The following CDC20 variants were observed in gnomAD, a reference collection of about 807,000 sequenced individuals.
CDC20 encodes cell division cycle protein 20 homolog.
A neutral mutation model predicts 60.0 loss-of-function variants in CDC20; 34 were observed. The ratio of observed to expected loss-of-function variants is 0.57; its 90% CI spans 0.43 to 0.75. The LOEUF (loss-of-function observed/expected upper bound fraction) is 0.75, where lower values mean the gene tolerates loss of function less well. Among genes scored for constraint, CDC20 ranks in the 30% least tolerant of loss-of-function variants. CDC20 has a pLI of 0.00. For synonymous variants in CDC20, 198 were observed against 243.5 expected, an observed-to-expected ratio of 0.81 and a Z score of 1.74; for missense variants, 469 against 647.3, an observed-to-expected ratio of 0.72 and a Z score of 2.99.
Position 43,359,220 on chromosome 1 carries a change from C to T in CDC20, c.5C>T (p.Ala2Val). 6.2e-7 allele frequency: 1 copy of T among 1,611,608 alleles called. No homozygotes were observed. The highest frequency in any genetic ancestry group is 8.5e-7 in the Non-Finnish European group (1 of 1,179,910). ...CCTCCCCCTGCGGGCGCTCCCATGG[C>T]ACAGTTCGCGTTCGAGAGTGACCTG... M[A>V]QFAFESDLHS... The change falls in exon 2 of 11, where the codon GCA (alanine) becomes GTA (valine). Residue 2 changes from alanine (A) to valine (V), a missense_variant. Physicochemically the swap from Ala to Val is moderately conservative, Grantham distance 64 (BLOSUM62 0). This residue lies in a region of CDC20 where 115 missense variants were observed against 156.1 expected (regional missense o/e 0.74). Transcript: ENST00000310955.
intron 9 of CDC20, 30 bp downstream of exon 9, chr1:43,361,275 A>G (rs770458869): frequency 3.2e-5 from 50 of 1,542,738 alleles, no homozygotes; most frequent in Non-Finnish European, 4.0e-5. Flanking sequence ...TGCCTCTCCC[A>G]CATGCATTCT....
Position 43,359,236 on chromosome 1 carries a change from G to A in CDC20, c.21G>A (p.Glu7=). 1 of 1,611,712 alleles carries A rather than the reference G, an allele frequency of 6.2e-7. No homozygotes were observed. Among genetic ancestry groups the A allele is most frequent in the Non-Finnish European group, 8.5e-7 (1 of 1,179,938 alleles). ...CTCCCATGGCACAGTTCGCGTTCGA[G>A]AGTGACCTGCACTCGCTGCTTCAGC... is the stretch of plus-strand genomic sequence containing the variant. The part of the protein sequence containing the change: MAQFAF[E]SDLHSLLQLD... Residue 7 remains glutamate, a synonymous_variant, in exon 2 of 11, where the codon GAG becomes GAA. Coordinates refer to ENST00000310955, the MANE Select transcript of CDC20 (RefSeq NM_001255.3).
In CDC20 at chr1:43,360,326, C is replaced by T. The variant is rs1441892887; in HGVS notation, c.690C>T (p.Ser230=). ...LQMEQPGEYI[S]SVAWIKEGNY... is the part of the protein sequence containing the mutation. ...TGGAGCAGCCTGGGGAATATATATC[C>T]TCTGTGGCCTGGATCAAAGAGGGCA... is the stretch of plus-strand genomic sequence containing the variant. The change falls in exon 6 of 11, where the codon TCC becomes TCT. Residue 230 remains serine (S), a synonymous_variant. Transcript: ENST00000310955. The T allele has an allele frequency of 6.2e-7, 1 of 1,614,078 alleles. No individual in the cohort carries two copies. Among genetic ancestry groups the T allele is most frequent in the Non-Finnish European group, 8.5e-7 (1 of 1,180,040 alleles).
chr1:43,362,355 TG>T lies in CDC20; in HGVS notation c.1321+44del, dbSNP rs747924777. 22 of 838,444 alleles carry T rather than the reference TG, an allele frequency of 2.6e-5. No homozygotes were observed. In the East Asian group the frequency reaches 5.3e-4, roughly 20 times the overall value. The allele number at this position is 838,444 out of a possible 1,614,324, so 51.9% of individuals were successfully genotyped here. On this transcript the variant is annotated intron_variant, in intron 10 of 10. Transcript: ENST00000310955. ...AAGCCGGACATAAAAGGCCACATAA[TG>T]TATGACTGAAATGTCCAGAATAAGC...
chr1:43,361,180 C>T lies in CDC20; in HGVS notation c.1138C>T (p.Arg380Ter), dbSNP rs761176631. 6.8e-6 allele frequency: 11 copies of T among 1,613,798 alleles called. No homozygotes were observed. Among genetic ancestry groups the T allele is most frequent in the Non-Finnish European group, 8.5e-6 (10 of 1,179,810 alleles). ...VLATGGGTSD[R>*]HIRIWNVCSG... ...GGCAACAGGAGGGGGCACCAGTGAT[C>T]GACACATTCGCATCTGGAATGTGTG... The change falls in exon 9 of 11, where the codon CGA (arginine) becomes TGA (stop). Residue 380 changes from arginine to a stop codon, truncating the protein, a stop_gained. Transcript: ENST00000310955. LOFTEE classifies it high-confidence loss of function.
chr1:43,359,137 C>T (rs549248635), intron 1 of CDC20, 30 bp from the exon 2 acceptor site: 60 of 1,470,012 alleles, frequency 4.1e-5, no homozygotes, highest in Non-Finnish European at 5.2e-5. Flanking sequence ...CCTTTCTGTC[C>T]CCTGAGCACC....
intron 9 of CDC20, 81 bp from the exon 10 acceptor site, chr1:43,362,114 G>T: frequency 1.3e-6 from 1 of 778,686 alleles, no homozygotes; most frequent in Non-Finnish European, 2.2e-6. Flanking sequence ...ATGTGGCAGG[G>T]TGCCTAACAC....
chr1:43,361,206 C>T lies in CDC20; in HGVS notation c.1164C>T (p.Cys388=). 1 of 1,612,612 alleles carries T rather than the reference C, an allele frequency of 6.2e-7. No individual in the cohort carries two copies. The highest frequency in any genetic ancestry group is 8.5e-7 in the Non-Finnish European group (1 of 1,179,226). ...GACACATTCGCATCTGGAATGTGTG[C>T]TCTGGGGCCTGTCTGAGTGCCGTGG... ...SDRHIRIWNV[C]SGACLSAVDA... Residue 388 remains cysteine (C), a synonymous_variant, in exon 9 of 11, where the codon TGC becomes TGT. Coordinates refer to ENST00000310955, the MANE Select transcript of CDC20 (RefSeq NM_001255.3).
chr1:43,362,986 C>G lies in CDC20; in HGVS notation c.1357C>G (p.Pro453Ala). The G allele has an allele frequency of 6.2e-7, 1 of 1,609,286 alleles. No homozygotes were observed. Among genetic ancestry groups the G allele is most frequent in the Non-Finnish European group, 8.5e-7 (1 of 1,178,676 alleles). ...TSRVLSLTMS[P>A]DGATVASAAA... Reference sequence around the variant, plus strand: ...CCGGGTCCTGAGTCTGACCATGAGCCCAGATGGGGCCACAGTGGCATCCGC... The same window carrying G: ...CCGGGTCCTGAGTCTGACCATGAGCGCAGATGGGGCCACAGTGGCATCCGC... Residue 453 changes from proline to alanine, a missense_variant, in exon 11 of 11, where the codon CCA becomes GCA. By Grantham distance (27) the Pro-to-Ala change is conservative (BLOSUM62 -1). Coordinates refer to ENST00000310955, the MANE Select transcript of CDC20 (RefSeq NM_001255.3).
At position 43,359,229 on chromosome 1, in the gene CDC20, C is replaced by A; in HGVS notation, c.14C>A (p.Ala5Glu). 1 of 1,611,644 alleles carries A rather than the reference C, an allele frequency of 6.2e-7. No homozygotes were observed. Among genetic ancestry groups the A allele is most frequent in the Non-Finnish European group, 8.5e-7 (1 of 1,179,918 alleles). The change falls in exon 2 of 11, where the codon GCG becomes GAG. Residue 5 changes from alanine (A) to glutamate (E), a missense_variant. Ala to Glu is a moderately radical substitution (Grantham distance 107). Around this residue, in one of 5 missense-constraint regions of CDC20, gnomAD observed 115 missense variants for 156.1 expected, o/e 0.74. Coordinates refer to ENST00000310955, the MANE Select transcript of CDC20 (RefSeq NM_001255.3). MAQF[A>E]FESDLHSLLQ... is the part of the protein sequence containing the mutation. ...GCGGGCGCTCCCATGGCACAGTTCG[C>A]GTTCGAGAGTGACCTGCACTCGCTG...
chr1:43,359,033 G>C lies in CDC20; in HGVS notation c.-50+27G>C, dbSNP rs1271404663. 6.3e-6 allele frequency: 4 copies of C among 636,852 alleles called. No individual in the cohort carries two copies. In the Admixed American group the frequency reaches 1.1e-4, roughly 18 times the overall value. 39.5% of individuals were successfully genotyped at this position (636,852 alleles called of 1,614,324 possible). On this transcript the variant is annotated intron_variant, in intron 1 of 10. Transcript: ENST00000310955. ...TGAGAGGTGGTGGGGCTGAGCCGAG[G>C]TGGGGCCGTGGCCAGGGGGAGGGGG...
chr1:43,360,758 C>T lies in CDC20; in HGVS notation c.874C>T (p.His292Tyr), dbSNP rs549920906. The change falls in exon 8 of 11, where the codon CAC (histidine) becomes TAC (tyrosine). Residue 292 changes from histidine to tyrosine, a missense_variant. Physicochemically the swap from His to Tyr is moderately conservative, Grantham distance 83. Coordinates refer to ENST00000310955, the MANE Select transcript of CDC20 (RefSeq NM_001255.3). Reference protein sequence around the residue: ...SSGSRSGHIHHHDVRVAEHHV... With the variant: ...SSGSRSGHIHYHDVRVAEHHV... ...TGGTTCACGTTCTGGCCACATCCACCACCATGATGTTCGGGTAGCAGAACA... is the reference window on the plus strand; with the variant it reads ...TGGTTCACGTTCTGGCCACATCCACTACCATGATGTTCGGGTAGCAGAACA... The T allele has an allele frequency of 2.5e-6, 4 of 1,613,806 alleles. No individual in the cohort carries two copies. In the South Asian group the frequency reaches 3.3e-5, roughly 13 times the overall value.
At position 43,362,334 on chromosome 1, in the gene CDC20, C is replaced by T. The variant is rs373228573; in HGVS notation, c.1321+22C>T. ...AAAGGTAAGTGGCTAGGTGAAAAGC[C>T]GGACATAAAAGGCCACATAATGTAT... On this transcript the variant is annotated intron_variant, in intron 10 of 10. Transcript: ENST00000310955. 26 of 1,075,508 alleles carry T rather than the reference C, an allele frequency of 2.4e-5. No individual in the cohort carries two copies. In the African/African-American group the frequency reaches 2.5e-4, roughly 10 times the overall value. 66.6% of individuals were successfully genotyped at this position (1,075,508 alleles called of 1,614,324 possible).
rs748200234 is a variant in CDC20 at position 43,363,155 on chromosome 1, T to G, written c.*26T>G. The G allele has an allele frequency of 2.5e-6, 4 of 1,595,004 alleles. No homozygotes were observed. The South Asian group carries it at 3.5e-5, about 14-fold the overall frequency. ...AGACCAACCCATCACCTCAGTTGTT[T>G]TTTATTTTTCTAATAAAGTCATGTC... On this transcript the variant is annotated 3_prime_UTR_variant, in exon 11 of 11. Coordinates refer to ENST00000310955, the MANE Select transcript of CDC20 (RefSeq NM_001255.3).
intron 10 of CDC20, 84 bp from the exon 11 acceptor site, chr1:43,362,864 AAAC>A: frequency 9.6e-7 from 1 of 1,044,946 alleles, no homozygotes; most frequent in Non-Finnish European, 1.4e-6. Flanking sequence ...GTCTCAAAAA[AAAC>A]AAAAAGGTAG....
In CDC20 at chr1:43,360,288, C is replaced by A; in HGVS notation, c.652C>A (p.Gln218Lys). The A allele has an allele frequency of 6.2e-7, 1 of 1,614,172 alleles. No individual in the cohort carries two copies. The highest frequency in any genetic ancestry group is 8.5e-7 in the Non-Finnish European group (1 of 1,180,008). The change falls in exon 6 of 11, where the codon CAG (glutamine) becomes AAG (lysine). Residue 218 changes from glutamine (Q) to lysine (K), a missense_variant. Coordinates refer to ENST00000310955, the MANE Select transcript of CDC20 (RefSeq NM_001255.3). ...LWSASSGDIL[Q>K]LLQMEQPGEY... ...GAGTGCAAGCTCTGGTGACATCCTG[C>A]AGCTTTTGCAAATGGAGCAGCCTGG...
chr1:43,361,758 T>C (rs1389691486), intron 9 of CDC20, among the ~76,000 whole-genome samples: 4 of 152,196 alleles, frequency 2.6e-5, no homozygotes, highest in Non-Finnish European at 4.4e-5. Context: ...TGGCTTCCCA[T>C]CACTTATGGC....
chr1:43,362,209 C>T lies in CDC20; in HGVS notation c.1218C>T (p.Leu406=). Residue 406 remains leucine (L), a synonymous_variant, in exon 10 of 11, where the codon CTC becomes CTT. Transcript: ENST00000310955. ...VDAHSQVCSI[L]WSPHYKELIS... ...CCTCTCCACAGGTGTGCTCCATCCT[C>T]TGGTCTCCCCATTACAAGGAGCTCA... The T allele has an allele frequency of 3.1e-6, 5 of 1,608,944 alleles. No homozygotes were observed. Among genetic ancestry groups the T allele is most frequent in the Non-Finnish European group, 4.3e-6 (5 of 1,175,334 alleles).
chr1:43,361,364 A>C, intron 9 of CDC20, 119 bp downstream of exon 9: 1 of 972,958 alleles, frequency 1.0e-6, no homozygotes, highest in Non-Finnish European at 1.5e-6. Context: ...CTCAGCTCTC[A>C]CTCATGAGCT....
Sources: gnomAD v4.1 joint callset for allele counts (sites outside exome capture counted in the v4.1 genomes callset) on GRCh38, gnomAD v4.1.1 for gene constraint, gnomAD v4.1.1 regional missense constraint, MANE v1.5 for transcripts, NCBI Gene and HGNC (gene_info 2026-07-23, HGNC 2026-07-21) for gene names.